The following VTI1A variants were observed in gnomAD, a reference collection of about 807,000 sequenced individuals.
VTI1A encodes vesicle transport through interaction with t-SNAREs homolog 1A.
Under a neutral mutation model 34.9 loss-of-function variants are expected in VTI1A, and 22 were observed. That is an observed-to-expected ratio of 0.63 (90% CI 0.45 to 0.90). The LOEUF is 0.90. Among genes scored for constraint, VTI1A ranks in the 40% least tolerant of loss-of-function variants. The pLI is 0.00. For synonymous variants in VTI1A, 87 were observed against 97.3 expected, an observed-to-expected ratio of 0.89 and a Z score of 0.62; for missense variants, 268 against 275.6, an observed-to-expected ratio of 0.97 and a Z score of 0.20.
intron 3 of VTI1A, among the ~76,000 whole-genome samples, chr10:112,479,214 C>CA (rs1447714494): frequency 6.6e-6 from 1 of 152,136 alleles, no homozygotes; most frequent in Non-Finnish European, 1.5e-5. Flanking sequence ...CTAGGCCGGA[C>CA]ACTGGCCTAA....
chr10:112,741,831 G>A (rs1850704878), intron 7 of VTI1A, among the ~76,000 whole-genome samples: 2 of 151,828 alleles, frequency 1.3e-5, no homozygotes, highest in Admixed American at 6.6e-5. Context: ...TCTGTTACTT[G>A]TTCAACAGTG....
At chr10:112,850,051 T>C in the VTI1A span, among the ~76,000 whole-genome samples, 2 of 152,296 alleles carry the variant, frequency 1.3e-5, no homozygotes, top group South Asian at 2.1e-4. Flanking sequence ...CACACAAACC[T>C]GCAGCCTTTA....
In VTI1A at chr10:112,817,776, T is replaced by C. The variant is rs114355437; in HGVS notation, c.*2393T>C. 0.01 allele frequency: 2,371 copies of C among 231,494 alleles called. 63 individuals are homozygous for C. The highest frequency in any genetic ancestry group is 0.048 in the African/African-American group (2,180 of 45,364). The allele number at this position is 231,494 out of a possible 1,614,324, so 14.3% of individuals were successfully genotyped here. ...AGTGAAGTAGATCTGTGAGAGGTTC[T>C]AGGTACTTAGTGTGTAGACTTTGAC... On this transcript the variant is annotated 3_prime_UTR_variant, in exon 8 of 8. Coordinates refer to ENST00000393077, the MANE Select transcript of VTI1A (RefSeq NM_145206.4).
chr10:112,513,540 C>T lies in VTI1A; in HGVS notation c.265-13547C>T, dbSNP rs1380417357. ...GGATTCCTTTAATTGTTGTCTCTTG[C>T]CTAATTGCTGTGGCTAGGACTTAAG... On this transcript the variant is annotated intron_variant, in intron 3 of 7. Transcript: ENST00000393077. Among the ~76,000 whole-genome samples, 4 of 151,974 alleles carry T rather than the reference C, an allele frequency of 2.6e-5. No homozygotes were observed. In the East Asian group the frequency reaches 5.8e-4, roughly 22 times the overall value.
chr10:112,709,930 A>T (rs537128035), intron 7 of VTI1A, among the ~76,000 whole-genome samples: 1 of 147,974 alleles, frequency 6.8e-6, no homozygotes, highest in African/African-American at 2.5e-5. Context: ...AGCTCAAGCA[A>T]TCCACCTGCC....
At chr10:112,814,550 C>T (rs1853440460) in intron 7 of VTI1A, among the ~76,000 whole-genome samples, 1 of 152,136 alleles carries the variant, frequency 6.6e-6, no homozygotes, top group Non-Finnish European at 1.5e-5. Flanking sequence ...CTCTGGTCCC[C>T]CTTCTAAGTT....
At chr10:112,681,365 A>G (rs1240807186) in intron 7 of VTI1A, among the ~76,000 whole-genome samples, 1 of 152,116 alleles carries the variant, frequency 6.6e-6, no homozygotes, top group Admixed American at 6.5e-5. Context: ...GCAAGCATGA[A>G]CCACTGTGCC....
chr10:112,792,823 G>A (rs752908957), intron 7 of VTI1A, among the ~76,000 whole-genome samples: 5 of 152,212 alleles, frequency 3.3e-5, no homozygotes, highest in African/African-American at 9.7e-5. Flanking sequence ...TGATAATTAC[G>A]TAGGCTGCTC....
intron 7 of VTI1A, among the ~76,000 whole-genome samples, chr10:112,799,812 G>A (rs939171755): frequency 8.5e-5 from 13 of 152,146 alleles, no homozygotes; most frequent in African/African-American, 3.1e-4. Flanking sequence ...ACTCTGCAGC[G>A]GTCTCATTCA....
At chr10:112,492,702 G>A (rs10885354) in intron 3 of VTI1A, among the ~76,000 whole-genome samples, 30,264 of 150,974 alleles carry the variant, frequency 0.2, 3,263 homozygotes, top group East Asian at 0.41. Context: ...TAGGAGAATC[G>A]CTTGAACCTG....
At chr10:112,711,806 C>T (rs11196070) in intron 7 of VTI1A, among the ~76,000 whole-genome samples, 2 of 152,086 alleles carry the variant, frequency 1.3e-5, no homozygotes, top group East Asian at 3.9e-4. Context: ...ACCAGATCGA[C>T]GCTACAGTTT....
At chr10:112,452,868 G>C (rs1847292264) in intron 1 of VTI1A, among the ~76,000 whole-genome samples, 1 of 151,796 alleles carries the variant, frequency 6.6e-6, no homozygotes, top group South Asian at 2.1e-4. Context: ...TGTTAATATG[G>C]TACATTTGTT....
At chr10:112,536,687 T>G (rs2134249061) in intron 4 of VTI1A, among the ~76,000 whole-genome samples, 1 of 152,216 alleles carries the variant, frequency 6.6e-6, no homozygotes, top group South Asian at 2.1e-4. Flanking sequence ...TGCAGCTTCC[T>G]GACCTTCACA....
chr10:112,518,153 T>C (rs1247674425), intron 3 of VTI1A, among the ~76,000 whole-genome samples: 2 of 152,014 alleles, frequency 1.3e-5, no homozygotes, highest in East Asian at 3.9e-4. Flanking sequence ...AAATCCAGTT[T>C]ATAATAAGCT....
At chr10:112,543,278 G>C (rs1850939138) in intron 5 of VTI1A, among the ~76,000 whole-genome samples, 1 of 152,110 alleles carries the variant, frequency 6.6e-6, no homozygotes, top group South Asian at 2.1e-4. Context: ...GGTTGAACTA[G>C]TTTACAGTCC....
intron 5 of VTI1A, among the ~76,000 whole-genome samples, chr10:112,603,913 C>T (rs1844975915): frequency 6.6e-6 from 1 of 152,130 alleles, no homozygotes; most frequent in Non-Finnish European, 1.5e-5. Context: ...TGAGCTCATC[C>T]CCCTTAGAAA....
At chr10:112,515,787 A>G (rs1849754530) in intron 3 of VTI1A, among the ~76,000 whole-genome samples, 1 of 152,000 alleles carries the variant, frequency 6.6e-6, no homozygotes, top group South Asian at 2.1e-4. Context: ...TATGTTTATT[A>G]GTATTAGGCA....
chr10:112,515,938 G>A (rs1024190689), intron 3 of VTI1A, among the ~76,000 whole-genome samples: 1 of 152,084 alleles, frequency 6.6e-6, no homozygotes, highest in Non-Finnish European at 1.5e-5. Context: ...GCAGCAATTT[G>A]TTCCTGTCAC....
chr10:112,803,475 C>T (rs890910051), intron 7 of VTI1A, among the ~76,000 whole-genome samples: 3 of 152,226 alleles, frequency 2.0e-5, no homozygotes, highest in Non-Finnish European at 4.4e-5. Flanking sequence ...GAGGCAGTGG[C>T]CGCTTGAATG....
Sources: allele counts gnomAD v4.1 joint callset (sites outside exome capture counted in the v4.1 genomes callset), GRCh38; gene constraint gnomAD v4.1.1; transcripts MANE v1.5; gene names NCBI Gene and HGNC (gene_info 2026-07-23, HGNC 2026-07-21).